Variants in TET2 observed in about 807,000 individuals in gnomAD.
TET2 encodes methylcytosine dioxygenase TET2.
Under a neutral mutation model 142.9 loss-of-function variants are expected in TET2, and 299 were observed. The ratio of observed to expected loss-of-function variants is 2.09; its 90% CI spans 1.90 to 2.30. The LOEUF is 2.30. Ranked by LOEUF, TET2 falls within the 30% of genes most tolerant of loss-of-function variation. The pLI is 0.00. For missense variants in TET2, 2,418 were observed against 2,378.0 expected (o/e 1.02, Z -0.35); for synonymous variants, 819 against 849.0 (o/e 0.96, Z 0.61).
Position 105,158,455 on chromosome 4 carries a change from C to T in TET2, c.-193+11476C>T, listed in dbSNP as rs546284446. The stretch of plus-strand genomic sequence containing the variant: ...AATGAATGTAGATGAAGGTGAAATC[C>T]GAGATAGGAAGAGAGGTAAAATGCT... On this transcript the variant is annotated intron_variant, in intron 1 of 10. Coordinates refer to ENST00000380013, the MANE Select transcript of TET2 (RefSeq NM_001127208.3). Among the ~76,000 whole-genome samples, 14 of 152,066 alleles carry T rather than the reference C, an allele frequency of 9.2e-5. No homozygotes were observed. The South Asian group carries it at 2.7e-3, about 29-fold the overall frequency.
chr4:105,192,938 T>C (rs1725870117), intron 2 of TET2, among the ~76,000 whole-genome samples: 1 of 152,176 alleles, frequency 6.6e-6, no homozygotes, highest in African/African-American at 2.4e-5. Flanking sequence ...CATGAAGTTA[T>C]CTGAAGGAAT....
In TET2 at chr4:105,259,651, A is replaced by C. The variant is rs1432815497; in HGVS notation, c.3836A>C (p.Glu1279Ala). Reference sequence around the variant, plus strand: ...TGCGCCTGTCAGGGGCTGGATCCAGAAACCTGTGGTGCCTCCTTCTCTTTT... The same window carrying C: ...TGCGCCTGTCAGGGGCTGGATCCAGCAACCTGTGGTGCCTCCTTCTCTTTT... ...RTCACQGLDP[E>A]TCGASFSFGC... The change falls in exon 7 of 11, where the codon GAA becomes GCA. Residue 1279 changes from glutamate to alanine, a missense_variant. Coordinates refer to ENST00000380013, the MANE Select transcript of TET2 (RefSeq NM_001127208.3). 1 of 1,551,124 alleles carries C rather than the reference A, an allele frequency of 6.4e-7. No homozygotes were observed.
chr4:105,240,914 G>A, intron 3 of TET2: 2 of 1,081,038 alleles, frequency 1.9e-6, no homozygotes, highest in African/African-American at 1.6e-5. Context: ...TCTGGGGGTG[G>A]GATAGAGCAG....
chr4:105,147,397 C>G (rs1048074636), intron 1 of TET2: 3 of 152,242 alleles, frequency 2.0e-5, no homozygotes, highest in African/African-American at 7.2e-5. Context: ...TGAAACGAGT[C>G]TCCCGTTTAT....
intron 1 of TET2, among the ~76,000 whole-genome samples, chr4:105,154,028 G>A (rs994951641): frequency 1.3e-5 from 2 of 152,206 alleles, no homozygotes; most frequent in Non-Finnish European, 2.9e-5. Flanking sequence ...AATCTGAGAG[G>A]CACAAGAAAG....
At chr4:105,148,418 A>AT (rs1225047578) in intron 1 of TET2, among the ~76,000 whole-genome samples, 4 of 152,214 alleles carry the variant, frequency 2.6e-5, no homozygotes, top group Admixed American at 2.0e-4. Flanking sequence ...TGAATTTAAT[A>AT]TCTCAAATCA....
In TET2 at chr4:105,276,465, T is replaced by C. The variant is rs1389522944; in HGVS notation, c.5955T>C (p.Thr1985=). 6.4e-7 allele frequency: 1 copy of C among 1,551,730 alleles called. No homozygotes were observed. Residue 1985 remains threonine (T), a synonymous_variant, in exon 11 of 11, where the codon ACT becomes ACC. Coordinates refer to ENST00000380013, the MANE Select transcript of TET2 (RefSeq NM_001127208.3). ...TMSVTTDSTV[T]TSPYAFTRVT... Reference sequence around the variant, plus strand: ...CCGTGACCACAGACTCCACAGTAACTACATCTCCATATGCCTTCACTCGGG... The same window carrying C: ...CCGTGACCACAGACTCCACAGTAACCACATCTCCATATGCCTTCACTCGGG...
chr4:105,240,589 C>T (rs1729239688), intron 3 of TET2: 1 of 1,079,636 alleles, frequency 9.3e-7, no homozygotes, highest in Admixed American at 5.3e-5. Flanking sequence ...CCTACTGTCC[C>T]TCTTTGCGTG....
intron 1 of TET2, among the ~76,000 whole-genome samples, chr4:105,183,531 A>C (rs778897579): frequency 9.2e-5 from 14 of 152,176 alleles, no homozygotes; most frequent in Non-Finnish European, 1.9e-4. Flanking sequence ...AAATAATACA[A>C]TTTAACATCT....
chr4:105,269,524 G>A (rs1730845074), intron 8 of TET2, 86 bp from the exon 9 acceptor site: 2 of 1,404,108 alleles, frequency 1.4e-6, no homozygotes, highest in Non-Finnish European at 9.7e-7. Context: ...TTTTTTTAAA[G>A]TTCTAAATGG....
At chr4:105,194,101 C>T (rs550938832) in intron 2 of TET2, among the ~76,000 whole-genome samples, 8 of 152,212 alleles carry the variant, frequency 5.3e-5, no homozygotes, top group African/African-American at 1.9e-4. Flanking sequence ...GGTCTCCATA[C>T]TGAGACTCTC....
In TET2 at chr4:105,236,228, C is replaced by T. The variant is rs769338467; in HGVS notation, c.2286C>T (p.His762=). 6 of 1,614,070 alleles carry T rather than the reference C, an allele frequency of 3.7e-6. No individual in the cohort carries two copies. Among genetic ancestry groups the T allele is most frequent in the East Asian group, 4.5e-5 (2 of 44,850 alleles). The change falls in exon 3 of 11, where the codon CAC becomes CAT. Residue 762 remains histidine (H), a synonymous_variant. Transcript: ENST00000380013. The stretch of plus-strand genomic sequence containing the variant: ...AGGAAATACTCCAGACTTTTCCTCA[C>T]CCCCAAAGCAACAATGATCAGCAAA... The part of the protein sequence containing the change: ...NKEEILQTFP[H]PQSNNDQQRE...
chr4:105,263,294 C>T (rs1221598590), intron 8 of TET2, among the ~76,000 whole-genome samples: 1 of 151,990 alleles, frequency 6.6e-6, no homozygotes, highest in Non-Finnish European at 1.5e-5. Flanking sequence ...TGATGTAATT[C>T]GTATTTTGAA....
intron 2 of TET2, among the ~76,000 whole-genome samples, chr4:105,228,377 G>C (rs1246239773): frequency 6.6e-6 from 1 of 152,050 alleles, no homozygotes; most frequent in Non-Finnish European, 1.5e-5. Flanking sequence ...AGACAAAATA[G>C]TTCTGTATAA....
chr4:105,278,493 T>C lies in TET2; in HGVS notation c.*1974T>C, dbSNP rs1349118548. ...CCTTTTTGTTCTAAAAATTCAGGGA[T>C]ATTTCAGCTCATGCTCTCCCTATGC... is the stretch of plus-strand genomic sequence containing the variant. On this transcript the variant is annotated 3_prime_UTR_variant, in exon 11 of 11. Transcript: ENST00000380013. 1 of 228,744 alleles carries C rather than the reference T, an allele frequency of 4.4e-6. No individual in the cohort carries two copies. Among genetic ancestry groups the C allele is most frequent in the East Asian group, 6.3e-5 (1 of 15,968 alleles). The allele number at this position is 228,744 out of a possible 1,614,324, so 14.2% of individuals were successfully genotyped here.
Position 105,276,637 on chromosome 4 carries a change from G to A in TET2, c.*118G>A, listed in dbSNP as rs544062226. On this transcript the variant is annotated 3_prime_UTR_variant, in exon 11 of 11. Transcript: ENST00000380013. ...CACAGTATTCATGACAAATGTGGTGGGAAAAACCTCAGCTCACCAGCAACA... is the reference window on the plus strand; with the variant it reads ...CACAGTATTCATGACAAATGTGGTGAGAAAAACCTCAGCTCACCAGCAACA... 9.3e-5 allele frequency: 111 copies of A among 1,195,060 alleles called. 1 individual carries two copies. In the South Asian group the frequency reaches 1.6e-3, roughly 18 times the overall value. 74.0% of individuals were successfully genotyped at this position (1,195,060 alleles called of 1,614,324 possible). A position where few individuals can be genotyped will look rare whatever the true frequency, so the allele number is the denominator to read the frequency against.
At chr4:105,219,411 A>G (rs1362791445) in intron 2 of TET2, among the ~76,000 whole-genome samples, 1 of 152,138 alleles carries the variant, frequency 6.6e-6, no homozygotes, top group Non-Finnish European at 1.5e-5. Context: ...TTTTGAGGCA[A>G]TGGTAGGGAA....
At chr4:105,174,824 C>CTGCT (rs1192288746) in intron 1 of TET2, among the ~76,000 whole-genome samples, 3 of 152,298 alleles carry the variant, frequency 2.0e-5, no homozygotes, top group Admixed American at 2.0e-4. Flanking sequence ...GGACTCAAGC[C>CTGCT]TGCTCTCAAG....
intron 1 of TET2, among the ~76,000 whole-genome samples, chr4:105,190,000 C>A (rs1208806734): frequency 6.6e-6 from 1 of 152,172 alleles, no homozygotes; most frequent in Non-Finnish European, 1.5e-5. Context: ...AATCTCTGAG[C>A]AAAATCCTCA....
Sources: gnomAD v4.1 joint callset for allele counts (sites outside exome capture counted in the v4.1 genomes callset) on GRCh38, gnomAD v4.1.1 for gene constraint, MANE v1.5 for transcripts, NCBI Gene and HGNC (gene_info 2026-07-23, HGNC 2026-07-21) for gene names.